NBEA: variants seen among roughly 807,000 people sequenced by gnomAD.
NBEA encodes the protein neurobeachin, also known as lysosomal-trafficking regulator 2.
In NBEA, 44 loss-of-function variants were observed where a neutral mutation model predicts 343.4. The observed-to-expected ratio is 0.13, with a 90% CI of 0.10 to 0.16. NBEA has a LOEUF of 0.16. Among genes scored for constraint, NBEA ranks in the 10% least tolerant of loss-of-function variants. The pLI is 1.00. For missense variants in NBEA, 2,555 were observed against 3,631.3 expected (o/e 0.70, Z 7.62); for synonymous variants, 1,175 against 1,238.7 (o/e 0.95, Z 1.08).
chr13:34,944,665 T>C (rs567882716), intron 1 of NBEA, among the ~76,000 whole-genome samples: 1 of 151,300 alleles, frequency 6.6e-6, no homozygotes, highest in Non-Finnish European at 1.5e-5. Flanking sequence ...GTACTTGCCA[T>C]TTCTTTTTAA....
intron 49 of NBEA, among the ~76,000 whole-genome samples, chr13:35,638,470 C>T (rs546310637): frequency 5.3e-5 from 8 of 152,274 alleles, no homozygotes; most frequent in Admixed American, 3.3e-4. Context: ...ACTGCCAAAA[C>T]GGGACTTGGC....
At chr13:35,558,880 A>T (rs1358511893) in intron 44 of NBEA, among the ~76,000 whole-genome samples, 2 of 152,232 alleles carry the variant, frequency 1.3e-5, no homozygotes, top group Non-Finnish European at 2.9e-5. Flanking sequence ...GATTAATATG[A>T]AATAGTCTAC....
At chr13:35,324,851 T>G (rs990656908) in intron 36 of NBEA, among the ~76,000 whole-genome samples, 1 of 152,098 alleles carries the variant, frequency 6.6e-6, no homozygotes, top group Admixed American at 6.6e-5. Context: ...CTAAGCAATA[T>G]AAGCACAATG....
At chr13:35,110,286 G>A (rs934625110) in intron 12 of NBEA, among the ~76,000 whole-genome samples, 2 of 142,022 alleles carry the variant, frequency 1.4e-5, no homozygotes, top group Non-Finnish European at 3.0e-5. Flanking sequence ...TTTAACCAAG[G>A]TGTCTGACAT....
intron 39 of NBEA, among the ~76,000 whole-genome samples, chr13:35,449,513 T>C (rs533059787): frequency 3.3e-5 from 5 of 152,344 alleles, no homozygotes; most frequent in East Asian, 1.9e-4. Flanking sequence ...TCCAGAAATA[T>C]AGCTGAGAAG....
intron 1 of NBEA, among the ~76,000 whole-genome samples, chr13:35,009,000 G>T (rs1487456348): frequency 6.6e-6 from 1 of 152,050 alleles, no homozygotes; most frequent in Non-Finnish European, 1.5e-5. Context: ...TACATCTCTG[G>T]GTTTCCTTTC....
intron 44 of NBEA, among the ~76,000 whole-genome samples, chr13:35,556,987 T>G (rs2079601116): frequency 6.6e-6 from 1 of 152,132 alleles, no homozygotes; most frequent in South Asian, 2.1e-4. Flanking sequence ...TTATCTGCTC[T>G]TGAGAGACCT....
At chr13:35,441,946 A>G (rs1224176630) in intron 39 of NBEA, among the ~76,000 whole-genome samples, 1 of 151,764 alleles carries the variant, frequency 6.6e-6, no homozygotes, top group African/African-American at 2.4e-5. Flanking sequence ...TCATTCTAAT[A>G]GTTGCCAAAC....
chr13:35,480,896 A>C (rs1408860069), intron 41 of NBEA, among the ~76,000 whole-genome samples: 1 of 151,976 alleles, frequency 6.6e-6, no homozygotes, highest in Non-Finnish European at 1.5e-5. Context: ...AACACTTGAG[A>C]CAAAAAATAG....
At chr13:35,075,138 C>T (rs188093766) in intron 10 of NBEA, among the ~76,000 whole-genome samples, 134 of 152,256 alleles carry the variant, frequency 8.8e-4, no homozygotes, top group Non-Finnish European at 4.7e-4. Flanking sequence ...TCTAATCCTG[C>T]AAGCCTGACT....
rs746904107 is a variant in NBEA at position 35,628,251 on chromosome 13, A to G, written c.7617+3A>G. ...TCACTGATCCTGTGCTCAGGGAGGT[A>G]GGTGTTAAATCCCATATTATTCCAA... On this transcript the variant is annotated splice_donor_region_variant and intron_variant, in intron 49 of 58. Transcript: ENST00000379939. 1.3e-6 allele frequency: 2 copies of G among 1,591,150 alleles called. No individual in the cohort carries two copies. The highest frequency in any genetic ancestry group is 1.4e-5 in the African/African-American group (1 of 74,024).
At chr13:35,489,670 G>T (rs2076433834) in intron 41 of NBEA, among the ~76,000 whole-genome samples, 1 of 151,846 alleles carries the variant, frequency 6.6e-6, no homozygotes. Context: ...TAGTCCCCAG[G>T]CTTGAGAAGA....
intron 1 of NBEA, among the ~76,000 whole-genome samples, chr13:34,944,967 C>T (rs550774473): frequency 1.3e-5 from 2 of 151,944 alleles, no homozygotes; most frequent in South Asian, 4.2e-4. Context: ...TTTAGATATA[C>T]GGTAGACTAA....
Position 34,983,800 on chromosome 13 carries a change from G to T in NBEA, c.294+40686G>T, listed in dbSNP as rs991843480. On this transcript the variant is annotated intron_variant, in intron 1 of 58. Transcript: ENST00000379939. ...ATGATGAGCACTTTTTCATGTGTCT[G>T]TTGGCTGCATAAATGTCTTCTTTTG... Among the ~76,000 whole-genome samples, 5 of 152,144 alleles carry T rather than the reference G, an allele frequency of 3.3e-5. No homozygotes were observed. The East Asian group carries it at 9.6e-4, about 29-fold the overall frequency.
rs2067608183 is a variant in NBEA at position 35,134,456 on chromosome 13, T to C, written c.2337-7813T>C. 7.2e-5 allele frequency among the ~76,000 whole-genome samples: 11 copies of C among 151,774 alleles called. No homozygotes were observed. In the South Asian group the frequency reaches 2.3e-3, roughly 31 times the overall value. The stretch of plus-strand genomic sequence containing the variant: ...ACACTGCCTCCTGACCATAATGTGA[T>C]AAAATTGGAAATAAAAAAAGAAATT... On this transcript the variant is annotated intron_variant, in intron 17 of 58. Transcript: ENST00000379939.
At position 35,319,609 on chromosome 13, in the gene NBEA, C is replaced by T. The variant is rs191864862; in HGVS notation, c.5903+10017C>T. 5.5e-3 allele frequency among the ~76,000 whole-genome samples: 830 copies of T among 152,214 alleles called. 5 individuals carry two copies. Among genetic ancestry groups the T allele is most frequent in the African/African-American group, 0.019 (799 of 41,524 alleles). On this transcript the variant is annotated intron_variant, in intron 36 of 58. Transcript: ENST00000379939. Reference sequence around the variant, plus strand: ...AGAGTTCTGTAGATGTCTATTAGGTCCACTTGGTCCAGAGCTGAATTTAAG... The same window carrying T: ...AGAGTTCTGTAGATGTCTATTAGGTTCACTTGGTCCAGAGCTGAATTTAAG...
chr13:35,668,621 C>A, intron 58 of NBEA, 102 bp downstream of exon 58: 2 of 1,159,680 alleles, frequency 1.7e-6, no homozygotes, highest in Non-Finnish European at 2.3e-6. Context: ...TTCCAGCATC[C>A]AAATGAAAGA....
chr13:35,298,271 T>C (rs1319101428), intron 35 of NBEA, among the ~76,000 whole-genome samples: 3 of 145,256 alleles, frequency 2.1e-5, no homozygotes, highest in Admixed American at 1.4e-4. Context: ...TTTTTTAATT[T>C]TAATGTAGTC....
At chr13:35,072,990 TC>T (rs1566241391) in intron 10 of NBEA, among the ~76,000 whole-genome samples, 2 of 152,236 alleles carry the variant, frequency 1.3e-5, no homozygotes, top group Non-Finnish European at 2.9e-5. Context: ...TATTACTTTT[TC>T]ATTAATTATT....
Sources: allele counts gnomAD v4.1 joint callset (sites outside exome capture counted in the v4.1 genomes callset), GRCh38; gene constraint gnomAD v4.1.1; transcripts MANE v1.5; gene names NCBI Gene and HGNC (gene_info 2026-07-23, HGNC 2026-07-21).